ZHX2: variants seen among roughly 807,000 people sequenced by gnomAD.
The protein encoded by ZHX2 is zinc fingers and homeoboxes protein 2.
In ZHX2, 6 loss-of-function variants were observed where a neutral mutation model predicts 21.9. The ratio of observed to expected loss-of-function variants is 0.27; its 90% CI spans 0.15 to 0.54. ZHX2 has a LOEUF of 0.54. Among genes scored for constraint, ZHX2 ranks in the 20% least tolerant of loss-of-function variants. ZHX2 has a pLI of 0.95. For missense variants in ZHX2, 908 were observed against 1,090.7 expected (o/e 0.83, Z 2.36); for synonymous variants, 434 against 437.1 (o/e 0.99, Z 0.09).
At chr8:122,954,735 CT>C (rs1272803953) in intron 3 of ZHX2, among the ~76,000 whole-genome samples, 1 of 152,200 alleles carries the variant, frequency 6.6e-6, no homozygotes, top group Non-Finnish European at 1.5e-5. Flanking sequence ...GGGCTCCAGC[CT>C]TCAGGCCTGT....
At chr8:122,949,045 C>A (rs565121379) in intron 2 of ZHX2, among the ~76,000 whole-genome samples, 1 of 152,270 alleles carries the variant, frequency 6.6e-6, no homozygotes, top group African/African-American at 2.4e-5. Context: ...AGTGATAGGG[C>A]CAGACGCAGT....
chr8:122,870,979 A>G (rs1012352472), intron 2 of ZHX2, among the ~76,000 whole-genome samples: 7 of 152,178 alleles, frequency 4.6e-5, no homozygotes, highest in Admixed American at 3.3e-4. Context: ...AAAAAGTGGC[A>G]GGTGGTGTTG....
At chr8:122,803,275 G>A (rs558146009) in intron 1 of ZHX2, among the ~76,000 whole-genome samples, 20 of 152,258 alleles carry the variant, frequency 1.3e-4, no homozygotes, top group Admixed American at 4.6e-4. Flanking sequence ...GTGCCTTTTC[G>A]TTAAGGACCG....
intron 2 of ZHX2, 83 bp from the exon 3 acceptor site, chr8:122,951,209 G>T: frequency 3.1e-6 from 1 of 322,752 alleles, no homozygotes; most frequent in Non-Finnish European, 5.7e-6. Context: ...TGTTGGGCTG[G>T]GTCATGGGAA....
rs72718001 is a variant in ZHX2, at chr8:122,941,052, A to G, written c.-219-10240A>G. Among the ~76,000 whole-genome samples, 321 of 150,170 alleles carry G rather than the reference A, an allele frequency of 2.1e-3. 2 individuals are homozygous for G. Among genetic ancestry groups the G allele is most frequent in the Non-Finnish European group, 3.8e-3 (257 of 67,798 alleles). ...CAAAACCAGGCTGGGTAATATAATGAGACCCCTATCTCTATTAAAAAAAAA... is the reference window on the plus strand; with the variant it reads ...CAAAACCAGGCTGGGTAATATAATGGGACCCCTATCTCTATTAAAAAAAAA... On this transcript the variant is annotated intron_variant, in intron 2 of 3. Transcript: ENST00000314393.
intron 2 of ZHX2, among the ~76,000 whole-genome samples, chr8:122,891,884 AGT>A (rs1284098890): frequency 6.6e-6 from 1 of 152,212 alleles, no homozygotes; most frequent in Non-Finnish European, 1.5e-5. Flanking sequence ...ATGAAAAGAA[AGT>A]GTATTCTGCA....
At chr8:122,887,239 C>T (rs1471826394) in intron 2 of ZHX2, among the ~76,000 whole-genome samples, 4 of 151,822 alleles carry the variant, frequency 2.6e-5, no homozygotes, top group South Asian at 2.1e-4. Flanking sequence ...TTCAGCCGGG[C>T]GTGGTGGCTC....
At position 122,952,581 on chromosome 8, in the gene ZHX2, G is replaced by A. The variant is rs200087554; in HGVS notation, c.1071G>A (p.Val357=). 2.5e-6 allele frequency: 4 copies of A among 1,614,182 alleles called. No homozygotes were observed. Residue 357 remains valine, a synonymous_variant, in exon 3 of 4, where the codon GTG becomes GTA. Coordinates refer to ENST00000314393, the MANE Select transcript of ZHX2 (RefSeq NM_014943.5). The surrounding 1 kb of genome is among the most constrained non-coding windows in gnomAD (Gnocchi z 6.9). The part of the protein sequence containing the change: ...VLPAQLAPTK[V]TQPILQTALP... ...CCGCCCAGTTGGCCCCCACAAAGGT[G>A]ACGCAGCCCATCCTCCAGACGGCTC... is the stretch of plus-strand genomic sequence containing the variant.
At chr8:122,889,340 A>G (rs897164531) in intron 2 of ZHX2, among the ~76,000 whole-genome samples, 1 of 152,212 alleles carries the variant, frequency 6.6e-6, no homozygotes, top group Non-Finnish European at 1.5e-5. Flanking sequence ...TTACATTCCT[A>G]CCAACAGTGT....
intron 2 of ZHX2, among the ~76,000 whole-genome samples, chr8:122,933,797 C>T (rs893568661): frequency 2.6e-5 from 4 of 152,108 alleles, no homozygotes; most frequent in African/African-American, 9.7e-5. Context: ...GGTGTAGAGT[C>T]ATGAGTTACC....
intron 1 of ZHX2, among the ~76,000 whole-genome samples, chr8:122,819,056 G>A (rs1034976613): frequency 6.6e-6 from 1 of 152,228 alleles, no homozygotes; most frequent in Admixed American, 6.5e-5. Flanking sequence ...AACGAAGAGA[G>A]AAGGCATTAA....
chr8:122,959,099 G>A (rs954021695), intron 3 of ZHX2, among the ~76,000 whole-genome samples: 19 of 152,192 alleles, frequency 1.2e-4, no homozygotes, highest in Admixed American at 3.9e-4. Context: ...CTGAGGCTCA[G>A]GAACCTGCCA....
intron 2 of ZHX2, among the ~76,000 whole-genome samples, chr8:122,905,117 G>A (rs1331974388): frequency 6.6e-6 from 1 of 152,120 alleles, no homozygotes; most frequent in Non-Finnish European, 1.5e-5. Context: ...AAATAGACTG[G>A]AAAAACAAGA....
intron 2 of ZHX2, among the ~76,000 whole-genome samples, chr8:122,933,190 C>G (rs1055966511): frequency 5.3e-5 from 8 of 152,108 alleles, no homozygotes; most frequent in Non-Finnish European, 1.5e-5. Context: ...AATCTCATTC[C>G]TCTCCCAGCT....
chr8:122,812,771 A>G (rs1262870576), intron 1 of ZHX2, among the ~76,000 whole-genome samples: 2 of 152,232 alleles, frequency 1.3e-5, no homozygotes, highest in Non-Finnish European at 2.9e-5. Context: ...AAGGAAGGCC[A>G]TTGACTGGTG....
intron 1 of ZHX2, among the ~76,000 whole-genome samples, chr8:122,842,536 T>A (rs1391362015): frequency 6.6e-6 from 1 of 151,600 alleles, no homozygotes; most frequent in Non-Finnish European, 1.5e-5. Flanking sequence ...AAACCCCATC[T>A]CTACTAAAAA....
intron 3 of ZHX2, among the ~76,000 whole-genome samples, chr8:122,958,841 C>G (rs7841763): frequency 6.6e-6 from 1 of 152,140 alleles, no homozygotes; most frequent in African/African-American, 2.4e-5. Flanking sequence ...AGAGAGCCCT[C>G]TTTGTGCTAG....
intron 3 of ZHX2, among the ~76,000 whole-genome samples, chr8:122,955,476 G>A (rs945212707): frequency 3.9e-5 from 6 of 152,094 alleles, no homozygotes; most frequent in Non-Finnish European, 4.4e-5. Context: ...TGACCACGTC[G>A]CTCATTAACT....
chr8:122,971,177 G>A (rs1454856593), intron 3 of ZHX2, among the ~76,000 whole-genome samples: 1 of 152,150 alleles, frequency 6.6e-6, no homozygotes, highest in Non-Finnish European at 1.5e-5. Context: ...GGCCTGGTGT[G>A]AGAAACTAGC....
Sources: allele counts gnomAD v4.1 joint callset (sites outside exome capture counted in the v4.1 genomes callset), GRCh38; gene constraint gnomAD v4.1.1; non-coding constraint Gnocchi (gnomAD v3.1); transcripts MANE v1.5; gene names NCBI Gene and HGNC (gene_info 2026-07-23, HGNC 2026-07-21).